The following NRG3 variants were observed in gnomAD, a reference collection of about 807,000 sequenced individuals.
NRG3 encodes the protein neuregulin 3.
A neutral mutation model predicts 66.9 loss-of-function variants in NRG3; 31 were observed. That is an observed-to-expected ratio of 0.46 (90% CI 0.35 to 0.63). The LOEUF is 0.63. Ranked by LOEUF, NRG3 falls within the 20% of genes least tolerant of loss-of-function variation. The probability of loss-of-function intolerance (pLI) is 0.00; values close to 1 mark genes in which losing one functional copy is unlikely to be tolerated. For missense variants in NRG3, 910 were observed against 878.9 expected (o/e 1.04, Z -0.45); for synonymous variants, 393 against 359.4 (o/e 1.09, Z -1.06).
At chr10:82,190,817 C>G (rs956146027) in intron 1 of NRG3, among the ~76,000 whole-genome samples, 3 of 152,180 alleles carry the variant, frequency 2.0e-5, no homozygotes, top group African/African-American at 7.2e-5. Flanking sequence ...CTAAGGTTTC[C>G]TCCCAACTGT....
intron 1 of NRG3, among the ~76,000 whole-genome samples, chr10:81,965,358 C>T (rs866459184): frequency 5.3e-5 from 8 of 152,236 alleles, no homozygotes; most frequent in Admixed American, 3.3e-4. Context: ...TAATATAGAT[C>T]CAGGCCATCT....
intron 4 of NRG3, among the ~76,000 whole-genome samples, chr10:82,904,650 A>G (rs1397604837): frequency 6.6e-6 from 1 of 152,172 alleles, no homozygotes; most frequent in Non-Finnish European, 1.5e-5. Flanking sequence ...TCTTAGGCAT[A>G]TGAATGGGAT....
chr10:82,363,169 G>T (rs9971107), intron 2 of NRG3, among the ~76,000 whole-genome samples: 50,834 of 151,958 alleles, frequency 0.33, 10,990 homozygotes, highest in African/African-American at 0.6. Context: ...TAAAATAAAA[G>T]CTCAATAGGG....
intron 1 of NRG3, among the ~76,000 whole-genome samples, chr10:82,208,679 A>G (rs909828844): frequency 6.6e-6 from 1 of 152,184 alleles, no homozygotes; most frequent in African/African-American, 2.4e-5. Context: ...AGGAACGTCA[A>G]TTACAAATGA....
chr10:82,701,771 C>G (rs1277464199), intron 2 of NRG3, among the ~76,000 whole-genome samples: 1 of 152,158 alleles, frequency 6.6e-6, no homozygotes, highest in Non-Finnish European at 1.5e-5. Flanking sequence ...TTAGTCCCCA[C>G]CAGTGCATCC....
At chr10:82,895,306 G>C (rs917691573) in intron 4 of NRG3, among the ~76,000 whole-genome samples, 1 of 152,042 alleles carries the variant, frequency 6.6e-6, no homozygotes, top group African/African-American at 2.4e-5. Flanking sequence ...CACATCCTGA[G>C]GGCATCCAAT....
chr10:82,426,707 C>T (rs953038159), intron 2 of NRG3, among the ~76,000 whole-genome samples: 1 of 151,010 alleles, frequency 6.6e-6, no homozygotes, highest in Admixed American at 6.6e-5. Context: ...GATCTTGGCC[C>T]ACTGCAGCCT....
chr10:82,191,997 A>G (rs978071110), intron 1 of NRG3, among the ~76,000 whole-genome samples: 2 of 152,118 alleles, frequency 1.3e-5, no homozygotes, highest in African/African-American at 4.8e-5. Context: ...CTTTGCATTT[A>G]TCTGCTCCCA....
chr10:82,440,204 G>T (rs867364491), intron 2 of NRG3, among the ~76,000 whole-genome samples: 13 of 151,474 alleles, frequency 8.6e-5, no homozygotes, highest in Middle Eastern at 3.4e-3. Flanking sequence ...CCTTTCTCTA[G>T]ATTTGTATTA....
intron 1 of NRG3, among the ~76,000 whole-genome samples, chr10:82,007,215 T>TC (rs1168521828): frequency 1.3e-5 from 2 of 148,546 alleles, no homozygotes; most frequent in South Asian, 2.1e-4. Context: ...TCTTTTCTTT[T>TC]TTTTTTTTTT....
chr10:82,572,339 A>C (rs888171159), intron 2 of NRG3, among the ~76,000 whole-genome samples: 1 of 151,382 alleles, frequency 6.6e-6, no homozygotes, highest in Non-Finnish European at 1.5e-5. Flanking sequence ...ATTGAAGTCA[A>C]CTATTTTGTA....
intron 1 of NRG3, among the ~76,000 whole-genome samples, chr10:82,290,544 A>G (rs533485942): frequency 3.3e-5 from 5 of 152,240 alleles, no homozygotes; most frequent in African/African-American, 1.2e-4. Context: ...TTTGGTATGG[A>G]TTCCCTAATG....
At chr10:82,629,816 G>A (rs895599315) in intron 2 of NRG3, among the ~76,000 whole-genome samples, 2 of 152,120 alleles carry the variant, frequency 1.3e-5, no homozygotes, top group Non-Finnish European at 2.9e-5. Flanking sequence ...AAAACTGAAG[G>A]AACCTTCAGA....
chr10:82,075,751 G>C (rs554767451), intron 1 of NRG3, among the ~76,000 whole-genome samples: 1 of 152,096 alleles, frequency 6.6e-6, no homozygotes, highest in South Asian at 2.1e-4. Flanking sequence ...TGTGTAATGA[G>C]ACATTAAAGT....
At chr10:82,483,812 C>T (rs1037531324) in intron 2 of NRG3, among the ~76,000 whole-genome samples, 8 of 152,280 alleles carry the variant, frequency 5.3e-5, no homozygotes, top group Admixed American at 4.6e-4. Context: ...GTATGCATTG[C>T]TCTTGATTTG....
chr10:82,022,721 A>G (rs1203150185), intron 1 of NRG3, among the ~76,000 whole-genome samples: 5 of 152,086 alleles, frequency 3.3e-5, no homozygotes, highest in African/African-American at 7.2e-5. Flanking sequence ...ACTGTGGTCA[A>G]TGAGCACTTG....
At chr10:82,475,786 A>G (rs1841721490) in intron 2 of NRG3, among the ~76,000 whole-genome samples, 1 of 152,188 alleles carries the variant, frequency 6.6e-6, no homozygotes, top group Non-Finnish European at 1.5e-5. Context: ...TCTGGCAATG[A>G]TCTTTTGGAA....
chr10:82,733,325 A>G (rs544949605), intron 2 of NRG3, among the ~76,000 whole-genome samples: 26 of 152,370 alleles, frequency 1.7e-4, no homozygotes, highest in Non-Finnish European at 3.1e-4. Context: ...CTAAAATGCA[A>G]TTGTATATAA....
intron 2 of NRG3, among the ~76,000 whole-genome samples, chr10:82,679,851 C>T (rs2053983871): frequency 6.6e-6 from 1 of 151,874 alleles, no homozygotes; most frequent in South Asian, 2.1e-4. Flanking sequence ...AGTCTATGTT[C>T]TTACCTACTG....
Sources: allele counts gnomAD v4.1 joint callset (sites outside exome capture counted in the v4.1 genomes callset), GRCh38; gene constraint gnomAD v4.1.1; transcripts MANE v1.5; gene names NCBI Gene and HGNC (gene_info 2026-07-23, HGNC 2026-07-21).